The following PHC2 variants were observed in gnomAD, a reference collection of about 807,000 sequenced individuals.
PHC2 encodes polyhomeotic-like protein 2.
Under a neutral mutation model 87.4 loss-of-function variants are expected in PHC2, and 29 were observed. The observed-to-expected ratio is 0.33, with a 90% confidence interval of 0.25 to 0.45. The LOEUF (loss-of-function observed/expected upper bound fraction) is 0.45. Among genes scored for constraint, PHC2 ranks in the 20% least tolerant of loss-of-function variants. PHC2 has a pLI of 1.00. For synonymous variants in PHC2, 438 were observed against 461.7 expected (o/e 0.95, Z 0.66); for missense variants, 857 against 1,136.7 (o/e 0.75, Z 3.54).
At chr1:33,358,901 C>T (rs1021704402) in intron 7 of PHC2, 1 of 152,120 alleles carries the variant, frequency 6.6e-6, no homozygotes, top group African/African-American at 2.4e-5. Flanking sequence ...ACAATCAGGC[C>T]GCTTTGCTTT....
chr1:33,404,443 AGAGT>A (rs536026975), intron 1 of PHC2, among the ~76,000 whole-genome samples: 32 of 152,352 alleles, frequency 2.1e-4, no homozygotes, highest in African/African-American at 7.7e-4. Flanking sequence ...CTTCTAATTA[AGAGT>A]TTTTCCAAAA....
intron 1 of PHC2, among the ~76,000 whole-genome samples, chr1:33,399,122 T>C (rs1247388465): frequency 6.6e-6 from 1 of 152,156 alleles, no homozygotes; most frequent in Non-Finnish European, 1.5e-5. Context: ...CAGGCCTGAA[T>C]AGGATCCACC....
chr1:33,389,758 G>A (rs1454555865), intron 1 of PHC2, among the ~76,000 whole-genome samples: 2 of 152,066 alleles, frequency 1.3e-5, no homozygotes, highest in Admixed American at 1.3e-4. Context: ...GCTTCCTGCC[G>A]TATTTGGAAT....
chr1:33,396,205 C>G (rs973703715), intron 1 of PHC2, among the ~76,000 whole-genome samples: 5 of 152,324 alleles, frequency 3.3e-5, no homozygotes, highest in African/African-American at 1.2e-4. Context: ...CTAGTCTTCT[C>G]AGAGCCTGCT....
intron 7 of PHC2, among the ~76,000 whole-genome samples, chr1:33,365,184 G>A: frequency 6.6e-6 from 1 of 152,192 alleles, no homozygotes. Flanking sequence ...TTGCTCATCT[G>A]TAAAATGGAT....
intron 7 of PHC2, among the ~76,000 whole-genome samples, chr1:33,361,737 T>A (rs944347621): frequency 6.6e-6 from 1 of 152,238 alleles, no homozygotes; most frequent in Non-Finnish European, 1.5e-5. Context: ...CAGTTCAGCC[T>A]CATCCCGTCA....
chr1:33,368,864 A>G lies in PHC2; in HGVS notation c.577-242T>C, dbSNP rs1036170789. 1.8e-4 allele frequency among the ~76,000 whole-genome samples: 28 copies of G among 151,366 alleles called. No homozygotes were observed. Among genetic ancestry groups the G allele is most frequent in the African/African-American group, 6.5e-4 (27 of 41,244 alleles). ...CTAGAGGCTCGTTGCATCCTGACCCAGGCTGGGTGCAGGGGTGGGTGGGGA... is the reference window on the plus strand; with the variant it reads ...CTAGAGGCTCGTTGCATCCTGACCCGGGCTGGGTGCAGGGGTGGGTGGGGA... On this transcript the variant is annotated intron_variant, in intron 5 of 14. Coordinates refer to ENST00000683057, the MANE Select transcript of PHC2 (RefSeq NM_001385109.1). This position sits in a 1 kb window ranked among gnomAD's most constrained non-coding sequence, Gnocchi z 6.6.
intron 14 of PHC2, among the ~76,000 whole-genome samples, chr1:33,327,550 G>A (rs2148183207): frequency 6.6e-6 from 1 of 152,286 alleles, no homozygotes; most frequent in East Asian, 1.9e-4. Flanking sequence ...AGACTGACCT[G>A]TGTGACCCAT....
At chr1:33,372,797 C>T (rs950879059) in intron 2 of PHC2, among the ~76,000 whole-genome samples, 1 of 152,242 alleles carries the variant, frequency 6.6e-6, no homozygotes, top group Non-Finnish European at 1.5e-5. Flanking sequence ...AGGGTCTCCA[C>T]CAGGCTTGTC....
Position 33,349,240 on chromosome 1 carries a change from C to A in PHC2, c.1558+5161G>T. 24 of 985,468 alleles carry A rather than the reference C, an allele frequency of 2.4e-5. No individual in the cohort carries two copies. The highest frequency in any genetic ancestry group is 2.9e-5 in the Non-Finnish European group (24 of 829,960). The allele number at this position is 985,468 out of a possible 1,614,324, so 61.0% of individuals were successfully genotyped here. ...CACCACCAATAAAGTACGGCAGATGCCAGCAGTCTCGTCCCCGAACGCACC... is the reference window on the plus strand; with the variant it reads ...CACCACCAATAAAGTACGGCAGATGACAGCAGTCTCGTCCCCGAACGCACC... On this transcript the variant is annotated intron_variant, in intron 9 of 14. Coordinates refer to ENST00000683057, the MANE Select transcript of PHC2 (RefSeq NM_001385109.1). The surrounding 1 kb of genome is among the most constrained non-coding windows in gnomAD (Gnocchi z 4.2).
chr1:33,394,070 G>A (rs1649196249), intron 1 of PHC2, among the ~76,000 whole-genome samples: 1 of 152,146 alleles, frequency 6.6e-6, no homozygotes, highest in Non-Finnish European at 1.5e-5. Context: ...TTCCACTCCT[G>A]TCCTATAATA....
intron 1 of PHC2, among the ~76,000 whole-genome samples, chr1:33,416,679 A>C (rs557162988): frequency 1.3e-5 from 2 of 152,260 alleles, no homozygotes; most frequent in African/African-American, 2.4e-5. Context: ...GTCCTGGAAG[A>C]AACTATTAAC....
At chr1:33,344,362 T>A (rs552711112) in intron 9 of PHC2, among the ~76,000 whole-genome samples, 14 of 152,208 alleles carry the variant, frequency 9.2e-5, no homozygotes, top group Non-Finnish European at 1.5e-4. Context: ...GTTAGATAAA[T>A]GTCAGGGGAG....
intron 9 of PHC2, chr1:33,347,090 C>T: frequency 4.1e-6 from 4 of 985,460 alleles, no homozygotes; most frequent in Non-Finnish European, 4.8e-6. Context: ...AAATGAGTAA[C>T]ACAGGAAAAA....
At chr1:33,413,113 T>A (rs1156286590) in intron 1 of PHC2, among the ~76,000 whole-genome samples, 1 of 152,188 alleles carries the variant, frequency 6.6e-6, no homozygotes, top group Non-Finnish European at 1.5e-5. Flanking sequence ...ATTATAGGCA[T>A]GTGCCACCAC....
intron 9 of PHC2, among the ~76,000 whole-genome samples, chr1:33,337,463 G>T (rs1379386376): frequency 6.6e-6 from 1 of 152,112 alleles, no homozygotes; most frequent in Admixed American, 6.5e-5. Flanking sequence ...GCAGAGACAC[G>T]GGCTTAGACC....
chr1:33,391,401 CAGAA>C (rs1649046417), intron 1 of PHC2, among the ~76,000 whole-genome samples: 1 of 152,210 alleles, frequency 6.6e-6, no homozygotes, highest in Non-Finnish European at 1.5e-5. Context: ...TACATGTACT[CAGAA>C]AGGGGATTTG....
At chr1:33,371,148 C>G in intron 3 of PHC2, 54 bp from the exon 4 acceptor site, 2 of 1,444,680 alleles carry the variant, frequency 1.4e-6, no homozygotes, top group Non-Finnish European at 1.9e-6. Flanking sequence ...CCAGTCACTC[C>G]TGGGCTCTCA....
At chr1:33,346,248 G>GGGGGGC in intron 9 of PHC2, 1 of 284,162 alleles carries the variant, frequency 3.5e-6, no homozygotes, top group Non-Finnish European at 5.1e-6. Context: ...GGGAGGGTGG[G>GGGGGGC]CAGGCTCAGA....
Sources: gnomAD v4.1 joint callset for allele counts (sites outside exome capture counted in the v4.1 genomes callset) on GRCh38, gnomAD v4.1.1 for gene constraint, Gnocchi (gnomAD v3.1) non-coding constraint, MANE v1.5 for transcripts, NCBI Gene and HGNC (gene_info 2026-07-23, HGNC 2026-07-21) for gene names.